TPRG1: variants seen among roughly 807,000 people sequenced by gnomAD.
TPRG1 encodes tumor protein p63 regulated 1.
A neutral mutation model predicts 29.3 loss-of-function variants in TPRG1; 29 were observed. That is an observed-to-expected ratio of 0.99 (90% CI 0.74 to 1.35). The LOEUF is 1.35. Among genes scored for constraint, TPRG1 ranks in the 40% most tolerant of loss-of-function variants. The probability of loss-of-function intolerance (pLI) is 0.00; values close to 1 mark genes in which losing one functional copy is unlikely to be tolerated. For synonymous variants in TPRG1, 130 were observed against 116.8 expected, an observed-to-expected ratio of 1.11 and a Z score of -0.73; for missense variants, 327 against 335.0, an observed-to-expected ratio of 0.98 and a Z score of 0.19.
At chr3:189,253,450 A>G (rs1052354821) in intron 4 of TPRG1, among the ~76,000 whole-genome samples, 4 of 152,350 alleles carry the variant, frequency 2.6e-5, no homozygotes, top group East Asian at 1.9e-4. Flanking sequence ...TGATGGCTGC[A>G]TAGTAGTCCA....
chr3:189,145,785 G>A (rs1322382250), intron 3 of TPRG1, among the ~76,000 whole-genome samples: 1 of 152,190 alleles, frequency 6.6e-6, no homozygotes. Flanking sequence ...AGATGATATT[G>A]GAGGTATCAG....
rs1214079727 is a variant in TPRG1, at chr3:189,207,486, G to C, written c.102G>C (p.Glu34Asp). The change falls in exon 2 of 6, where the codon GAG becomes GAC. Residue 34 changes from glutamate to aspartate, a missense_variant. Physicochemically the swap from Glu to Asp is conservative, Grantham distance 45. Transcript: ENST00000345063. ...CTGACCACCTATCGATGGAGGAAGA[G>C]GACCCGATGCCAAGACAGATTTCAA... is the stretch of plus-strand genomic sequence containing the variant. Reference protein sequence around the residue: ...SETDHLSMEEEDPMPRQISRQ... With the variant: ...SETDHLSMEEDDPMPRQISRQ... 5 of 1,613,900 alleles carry C rather than the reference G, an allele frequency of 3.1e-6. No homozygotes were observed. Among genetic ancestry groups the C allele is most frequent in the Non-Finnish European group, 4.2e-6 (5 of 1,179,964 alleles).
chr3:189,037,652 A>G (rs934772933), intron 4 of TPRG1, among the ~76,000 whole-genome samples: 1 of 151,890 alleles, frequency 6.6e-6, no homozygotes, highest in Admixed American at 6.6e-5. Context: ...ATACAATGAG[A>G]TATCACTGCT....
At chr3:189,158,934 T>G (rs1161433544) in intron 5 of TPRG1, among the ~76,000 whole-genome samples, 3 of 151,270 alleles carry the variant, frequency 2.0e-5, no homozygotes, top group African/African-American at 7.3e-5. Context: ...TTTTGTTTTT[T>G]TTTGTTTTTG....
chr3:189,143,550 TCTC>T (rs1724856307), intron 3 of TPRG1, among the ~76,000 whole-genome samples: 1 of 152,178 alleles, frequency 6.6e-6, no homozygotes, highest in African/African-American at 2.4e-5. Context: ...GTGAGTATGG[TCTC>T]CTCAACCTGG....
upstream of TPRG1, among the ~76,000 whole-genome samples, chr3:189,167,530 G>A (rs1451104550): frequency 6.6e-6 from 1 of 152,190 alleles, no homozygotes. Flanking sequence ...GTGAGGCCAA[G>A]TGCAAAGTGA....
chr3:189,228,214 G>T (rs1320436644), intron 3 of TPRG1, among the ~76,000 whole-genome samples: 1 of 152,030 alleles, frequency 6.6e-6, no homozygotes, highest in African/African-American at 2.4e-5. Context: ...ACAGAAGAAT[G>T]AACATTAATT....
intron 4 of TPRG1, among the ~76,000 whole-genome samples, chr3:189,055,827 A>G (rs961868859): frequency 6.6e-6 from 1 of 152,124 alleles, no homozygotes; most frequent in African/African-American, 2.4e-5. Context: ...CATAGAGGGT[A>G]GAGTACTACA....
rs140239032 is a variant in TPRG1 at position 189,297,408 on chromosome 3, C to G, written c.480-12978C>G. Reference sequence around the variant, plus strand: ...AGATGACCCTTCTTTTGATCCCTTTCTAGCTGTGCCCATCCCCGCGGCCTG... The same window carrying G: ...AGATGACCCTTCTTTTGATCCCTTTGTAGCTGTGCCCATCCCCGCGGCCTG... On this transcript the variant is annotated intron_variant, in intron 4 of 5. Transcript: ENST00000345063. Among the ~76,000 whole-genome samples the G allele has an allele frequency of 4.5e-4, 68 of 152,302 alleles. 1 individual carries two copies. In the East Asian group the frequency reaches 9.7e-3, roughly 22 times the overall value.
At chr3:189,306,536 T>C (rs1281082515) in intron 4 of TPRG1, among the ~76,000 whole-genome samples, 1 of 152,226 alleles carries the variant, frequency 6.6e-6, no homozygotes, top group African/African-American at 2.4e-5. Context: ...GTGATTCTGG[T>C]GTTTTTCCTT....
chr3:189,134,248 G>A (rs1421111691), intron 3 of TPRG1, among the ~76,000 whole-genome samples: 4 of 151,968 alleles, frequency 2.6e-5, no homozygotes, highest in Non-Finnish European at 5.9e-5. Flanking sequence ...AAATGAACAT[G>A]TTATGTTCTT....
intron 1 of TPRG1, among the ~76,000 whole-genome samples, chr3:188,998,408 T>C (rs1711895202): frequency 6.6e-6 from 1 of 152,186 alleles, no homozygotes; most frequent in South Asian, 2.1e-4. Flanking sequence ...AAGGCCAGTA[T>C]GGCTGGAACA....
intron 4 of TPRG1, among the ~76,000 whole-genome samples, chr3:189,265,987 G>T (rs185103350): frequency 6.6e-6 from 1 of 152,198 alleles, no homozygotes; most frequent in Non-Finnish European, 1.5e-5. Flanking sequence ...ATAGGAGAAG[G>T]GTTCCTGCCA....
chr3:189,280,479 G>T (rs931952943), intron 4 of TPRG1, among the ~76,000 whole-genome samples: 1 of 152,070 alleles, frequency 6.6e-6, no homozygotes, highest in African/African-American at 2.4e-5. Flanking sequence ...AAAACTTAGA[G>T]CTTTTTTATG....
chr3:189,002,410 G>C lies in TPRG1; in HGVS notation c.-878+1499G>C, dbSNP rs930470860. Among the ~76,000 whole-genome samples the C allele has an allele frequency of 4.6e-5, 7 of 151,866 alleles. No homozygotes were observed. The South Asian group carries it at 1.5e-3, about 32-fold the overall frequency. ...TGTTGACAGGTCTAAAGTCTAAATT[G>C]TGAGGCAAAAATCTGATGCCATAGA... is the stretch of plus-strand genomic sequence containing the variant. On this transcript the variant is annotated intron_variant, in intron 2 of 10. Coordinates refer to the TPRG1 transcript ENST00000433971.
At chr3:189,006,222 G>A (rs1451287407) in intron 3 of TPRG1, among the ~76,000 whole-genome samples, 38 of 152,040 alleles carry the variant, frequency 2.5e-4, no homozygotes, top group African/African-American at 2.4e-5. Flanking sequence ...TCTAGATTTT[G>A]TCTCTTAATG....
intron 3 of TPRG1, among the ~76,000 whole-genome samples, chr3:189,014,741 G>A (rs1483204055): frequency 6.6e-6 from 1 of 152,108 alleles, no homozygotes; most frequent in Admixed American, 6.6e-5. Flanking sequence ...GGGAAGATGT[G>A]CCTTGTTTCC....
chr3:189,234,644 T>G (rs1739172614), intron 3 of TPRG1, among the ~76,000 whole-genome samples: 1 of 152,240 alleles, frequency 6.6e-6, no homozygotes, highest in Admixed American at 6.5e-5. Flanking sequence ...ATATAGGTTG[T>G]GCAGTGCCAG....
chr3:189,218,074 A>C (rs1219547193), intron 3 of TPRG1: 1 of 974,612 alleles, frequency 1.0e-6, no homozygotes, highest in Non-Finnish European at 1.2e-6. Flanking sequence ...TAGGAGCTGT[A>C]ATATGGACCA....
Sources: allele counts gnomAD v4.1 joint callset (sites outside exome capture counted in the v4.1 genomes callset), GRCh38; gene constraint gnomAD v4.1.1; transcripts MANE v1.5; gene names NCBI Gene and HGNC (gene_info 2026-07-23, HGNC 2026-07-21).